The following SLC22A17 variants were observed in gnomAD, a reference collection of about 807,000 sequenced individuals.
SLC22A17 encodes the protein solute carrier family 22 member 17.
Under a neutral mutation model 53.6 loss-of-function variants are expected in SLC22A17, and 38 were observed. The ratio of observed to expected loss-of-function variants is 0.71; its 90% confidence interval spans 0.55 to 0.93. The LOEUF (loss-of-function observed/expected upper bound fraction) is 0.93, where lower values mean the gene tolerates loss of function less well. Ranked by LOEUF, SLC22A17 falls within the 40% of genes least tolerant of loss-of-function variation. The pLI is 0.00. For missense variants in SLC22A17, 704 were observed against 791.0 expected, an observed-to-expected ratio of 0.89 and a Z score of 1.32; for synonymous variants, 379 against 353.0, an observed-to-expected ratio of 1.07 and a Z score of -0.82.
At position 23,347,304 on chromosome 14, in the gene SLC22A17, G is replaced by A; in HGVS notation, c.1550-92C>T. 1 of 1,466,144 alleles carries A rather than the reference G, an allele frequency of 6.8e-7. No individual in the cohort carries two copies. Among genetic ancestry groups the A allele is most frequent in the Non-Finnish European group, 9.3e-7 (1 of 1,080,080 alleles). The allele number at this position is 1,466,144 out of a possible 1,614,324, so 90.8% of individuals were successfully genotyped here. ...CATCCCCTTGGCTCTCTGTTCCCAT[G>A]GCTCTAGCTGGGCAGGCTCTGGGCA... On this transcript the variant is annotated intron_variant, in intron 8 of 9. Transcript: ENST00000397267. This position sits in a 1 kb window ranked among gnomAD's most constrained non-coding sequence, Gnocchi z 5.1.
Position 23,347,821 on chromosome 14 carries a change from G to A in SLC22A17, c.1277+70C>T, listed in dbSNP as rs1219917211. The A allele has an allele frequency of 1.7e-5, 27 of 1,611,816 alleles. No individual in the cohort carries two copies. Among genetic ancestry groups the A allele is most frequent in the Non-Finnish European group, 2.1e-5 (25 of 1,178,582 alleles). On this transcript the variant is annotated intron_variant, in intron 7 of 9. Coordinates refer to ENST00000397267, the Ensembl canonical transcript of SLC22A17. The surrounding 1 kb of genome is among the most constrained non-coding windows in gnomAD (Gnocchi z 5.1). ...CTGATGGTCCTCCGCAGGGGTCCCC[G>A]GGCCTTCCCACCCAGCCAGCCCCCA...
In SLC22A17 at chr14:23,352,336, A is replaced by T; in HGVS notation, c.212T>A (p.Leu71Gln). 8.6e-7 allele frequency: 1 copy of T among 1,164,768 alleles called. No individual in the cohort carries two copies. The highest frequency in any genetic ancestry group is 1.1e-6 in the Non-Finnish European group (1 of 880,286). 72.2% of individuals were successfully genotyped at this position (1,164,768 alleles called of 1,614,324 possible). A position where few individuals can be genotyped will look rare whatever the true frequency, so the allele number is the denominator to read the frequency against. The change falls in exon 2 of 10, where the codon CTG (leucine) becomes CAG (glutamine). Residue 71 changes from leucine (L) to glutamine (Q), a missense_variant. Around this residue, in one of 4 missense-constraint regions of SLC22A17, gnomAD observed 42 missense variants for 28.2 expected, o/e 1.49. Transcript: ENST00000397267. The surrounding 1 kb of genome is among the most constrained non-coding windows in gnomAD (Gnocchi z 7.2). ...GCTGAGGGGGCCTGGGGGCACGGCC[A>T]GCGACAGGCTGCTGCCCAGTCCGTC...
Position 23,347,479 on chromosome 14 carries a change from T to C in SLC22A17, c.1530A>G (p.Gln510=). ...AAGCACCTCTGTTGGGGTTCCCTTG[T>C]TGAGCCCACACTGTGGGGAAGATAG... Residue 510 remains glutamine (Q), a synonymous_variant, in exon 8 of 10, where the codon CAA becomes CAG. Coordinates refer to ENST00000397267, the Ensembl canonical transcript of SLC22A17. The surrounding 1 kb of genome is among the most constrained non-coding windows in gnomAD (Gnocchi z 5.1). 2.5e-6 allele frequency: 4 copies of C among 1,613,940 alleles called. No individual in the cohort carries two copies. Among genetic ancestry groups the C allele is most frequent in the Non-Finnish European group, 3.4e-6 (4 of 1,179,926 alleles).
Position 23,347,988 on chromosome 14 carries a change from T to G in SLC22A17, c.1180A>C (p.Asn394His). 1 of 1,614,006 alleles carries G rather than the reference T, an allele frequency of 6.2e-7. No individual in the cohort carries two copies. The change falls in exon 7 of 10, where the codon AAT (asparagine) becomes CAT (histidine). Residue 394 changes from asparagine (N) to histidine (H), a missense_variant. Asn to His is a moderately conservative substitution (Grantham distance 68, BLOSUM62 1). Around this residue, in one of 4 missense-constraint regions of SLC22A17, gnomAD observed 435 missense variants for 529.0 expected, o/e 0.82. Transcript: ENST00000397267. The surrounding 1 kb of genome is among the most constrained non-coding windows in gnomAD (Gnocchi z 5.1). ...GATGTTGCAGGGAGAGGGCAGGTAT[T>G]CTCCAGGTCTTTGGGAGAGAGAGAG... is the stretch of plus-strand genomic sequence containing the variant.
rs1889419608 is a variant in SLC22A17, at chr14:23,348,770, G to A, written c.860-99C>T. On this transcript the variant is annotated intron_variant, in intron 4 of 9. Transcript: ENST00000397267. The surrounding 1 kb of genome is among the most constrained non-coding windows in gnomAD (Gnocchi z 4.5). ...AGGGAGGGAGGAGGACAGAGAGAGA[G>A]GTCAGACCCAGAGTGGAGGCTGCAG... The A allele has an allele frequency of 1.5e-6, 2 of 1,306,604 alleles. No individual in the cohort carries two copies. Among genetic ancestry groups the A allele is most frequent in the Non-Finnish European group, 2.1e-6 (2 of 969,702 alleles). The allele number at this position is 1,306,604 out of a possible 1,614,324, so 80.9% of individuals were successfully genotyped here.
chr14:23,346,879 C>A, exon 10 of SLC22A17: 1 of 1,538,170 alleles, frequency 6.5e-7, no homozygotes, highest in Non-Finnish European at 8.7e-7. Flanking sequence ...GGCGCTGGGC[C>A]GGGCCGCTCA....
chr14:23,348,588 G>A lies in SLC22A17; in HGVS notation c.943C>T (p.Leu315=), dbSNP rs1210897927. 5.0e-6 allele frequency: 8 copies of A among 1,614,012 alleles called. No individual in the cohort carries two copies. The highest frequency in any genetic ancestry group is 6.8e-6 in the Non-Finnish European group (8 of 1,180,010). The change falls in exon 5 of 10, where the codon CTG becomes TTG. Residue 315 remains leucine, a synonymous_variant. Transcript: ENST00000397267. This position sits in a 1 kb window ranked among gnomAD's most constrained non-coding sequence, Gnocchi z 4.5. ...TCCTTAGAGACAAGGGCCAGGCCCA[G>A]GAACAGGAAGTGCCCTCCCACCCCC...
At chr14:23,349,750 A>C in intron 3 of SLC22A17, 1 of 372,776 alleles carries the variant, frequency 2.7e-6, no homozygotes, top group East Asian at 5.3e-5. Context: ...ATTTGGGACC[A>C]TTCATCCTTA....
Position 23,347,381 on chromosome 14 carries a change from C to G in SLC22A17, c.1549+79G>C. 2 of 1,551,000 alleles carry G rather than the reference C, an allele frequency of 1.3e-6. No individual in the cohort carries two copies. Among genetic ancestry groups the G allele is most frequent in the Non-Finnish European group, 8.7e-7 (1 of 1,146,402 alleles). On this transcript the variant is annotated intron_variant, in intron 8 of 9. Transcript: ENST00000397267. This position sits in a 1 kb window ranked among gnomAD's most constrained non-coding sequence, Gnocchi z 5.1. The stretch of plus-strand genomic sequence containing the variant: ...GGGGCTGTGGGGCCAGGTGGAGGCT[C>G]GTGGAAGAGCTGGGCAGGGTCTGGG...
Position 23,348,795 on chromosome 14 carries a change from G to A in SLC22A17, c.860-124C>T, listed in dbSNP as rs114644755. The A allele has an allele frequency of 7.0e-4, 730 of 1,045,058 alleles. 4 individuals are homozygous for A. In the African/African-American group the frequency reaches 0.011, roughly 15 times the overall value. The allele number at this position is 1,045,058 out of a possible 1,614,324, so 64.7% of individuals were successfully genotyped here. A position where few individuals can be genotyped will look rare whatever the true frequency, so the allele number is the denominator to read the frequency against. ...GGTCAGACCCAGAGTGGAGGCTGCA[G>A]CCATTGCCTCCCTTGCTAACCTCTG... On this transcript the variant is annotated intron_variant, in intron 4 of 9. Transcript: ENST00000397267. The surrounding 1 kb of genome is among the most constrained non-coding windows in gnomAD (Gnocchi z 4.5).
chr14:23,352,138 C>A lies in SLC22A17; in HGVS notation c.410G>T (p.Gly137Val). 6.3e-7 allele frequency: 1 copy of A among 1,575,096 alleles called. No individual in the cohort carries two copies. Residue 137 changes from glycine to valine, a missense_variant, in exon 2 of 10, where the codon GGC becomes GTC. By Grantham distance (109) the Gly-to-Val change is moderately radical. Transcript: ENST00000397267. The surrounding 1 kb of genome is among the most constrained non-coding windows in gnomAD (Gnocchi z 7.2). Reference sequence around the variant, plus strand: ...GCTGGCATTGGGAGGCTGCTCCCAGCCAGAGGCATTAGGGGGGAAGGCCCC... The same window carrying A: ...GCTGGCATTGGGAGGCTGCTCCCAGACAGAGGCATTAGGGGGGAAGGCCCC...
rs531132605 is a variant in SLC22A17 at position 23,348,209 on chromosome 14, G to T, written c.1123C>A (p.Arg375=). The change falls in exon 6 of 10, where the codon CGG becomes AGG. Residue 375 remains arginine, a synonymous_variant. Transcript: ENST00000397267. The surrounding 1 kb of genome is among the most constrained non-coding windows in gnomAD (Gnocchi z 4.5). ...TCCCCCAGCATCTGCCCATGGGGCC[G>T]GTTTCGCTCAGCCAGGATCCTCAGC... is the stretch of plus-strand genomic sequence containing the variant. 2 of 1,614,114 alleles carry T rather than the reference G, an allele frequency of 1.2e-6. No homozygotes were observed. The highest frequency in any genetic ancestry group is 1.7e-6 in the Non-Finnish European group (2 of 1,179,998).
rs946858141 is a variant in SLC22A17, at chr14:23,347,245, G to C, written c.1550-33C>G. 2 of 1,587,192 alleles carry C rather than the reference G, an allele frequency of 1.3e-6. No individual in the cohort carries two copies. The highest frequency in any genetic ancestry group is 8.6e-7 in the Non-Finnish European group (1 of 1,161,568). On this transcript the variant is annotated intron_variant, in intron 8 of 9. Coordinates refer to ENST00000397267, the Ensembl canonical transcript of SLC22A17. This position sits in a 1 kb window ranked among gnomAD's most constrained non-coding sequence, Gnocchi z 5.1. ...AGCAAGAGGGATGATATGAATGCAG[G>C]TGGGGAGGTCAAGGCTGGCCTAGTC...
At chr14:23,346,779 T>G (rs1566477508) in exon 10 of SLC22A17, 1 of 1,543,340 alleles carries the variant, frequency 6.5e-7, no homozygotes, top group Admixed American at 1.9e-5. Context: ...TTGCGCTTGG[T>G]CTCCGGCAGC....
At chr14:23,349,407 C>T (rs139906282) in exon 4 of SLC22A17, 61 of 1,613,146 alleles carry the variant, frequency 3.8e-5, no homozygotes, top group Non-Finnish European at 5.2e-5. Flanking sequence ...GTCAGCAGCA[C>T]AATCCCGCGA....
At chr14:23,351,987 A>G (rs1335613463) in exon 2 of SLC22A17, 7 of 1,612,886 alleles carry the variant, frequency 4.3e-6, no homozygotes, top group Middle Eastern at 1.6e-4. Flanking sequence ...GAAGGCCATT[A>G]TAGTCCCAAT....
At chr14:23,351,169 T>A (rs1889601187) in intron 3 of SLC22A17, 1 of 152,276 alleles carries the variant, frequency 6.6e-6, no homozygotes, top group African/African-American at 2.4e-5. Context: ...TGAGGATCCA[T>A]GAGGGTATGA....
rs976136177 is a variant in SLC22A17, at chr14:23,347,203, T to G, written c.1559A>C (p.Glu520Ala). Residue 520 changes from glutamate to alanine, a missense_variant, in exon 9 of 10, where the codon GAG (glutamate) becomes GCG (alanine). Coordinates refer to ENST00000397267, the Ensembl canonical transcript of SLC22A17. The surrounding 1 kb of genome is among the most constrained non-coding windows in gnomAD (Gnocchi z 5.1). ...GACAGAGAAAGTGGTGATGGCAGCCTCGTTCAGATCTGCAGAAGCAAGAGG... is the reference window on the plus strand; with the variant it reads ...GACAGAGAAAGTGGTGATGGCAGCCGCGTTCAGATCTGCAGAAGCAAGAGG... 2 of 1,613,132 alleles carry G rather than the reference T, an allele frequency of 1.2e-6. No individual in the cohort carries two copies. Among genetic ancestry groups the G allele is most frequent in the African/African-American group, 2.7e-5 (2 of 75,024 alleles).
chr14:23,349,101 T>C, intron 4 of SLC22A17, 171 bp downstream of exon 4: 1 of 778,584 alleles, frequency 1.3e-6, no homozygotes, highest in Admixed American at 2.1e-5. Context: ...GAGGGGGAGA[T>C]AGGTGTAGAG....
Sources: allele counts gnomAD v4.1 joint callset, GRCh38; gene constraint gnomAD v4.1.1; regional missense constraint gnomAD v4.1.1; non-coding constraint Gnocchi (gnomAD v3.1); transcripts MANE v1.5; gene names NCBI Gene and HGNC (gene_info 2026-07-23, HGNC 2026-07-21).